Variants in OPA1 observed in about 807,000 individuals in gnomAD.
The protein encoded by OPA1 is OPA1 mitochondrial dynamin like GTPase.
Under a neutral mutation model 152.9 loss-of-function variants are expected in OPA1, and 59 were observed. The observed-to-expected ratio is 0.39, with a 90% CI of 0.31 to 0.48. The LOEUF is 0.48. OPA1 is among the 20% of genes least tolerant of loss of function. The probability of loss-of-function intolerance (pLI) is 0.96; values close to 1 mark genes in which losing one functional copy is unlikely to be tolerated. For missense variants in OPA1, 1,008 were observed against 1,216.8 expected (o/e 0.83, Z 2.55); for synonymous variants, 400 against 389.9 (o/e 1.03, Z -0.31).
intron 9 of OPA1, among the ~76,000 whole-genome samples, chr3:193,636,619 A>G (rs934938467): frequency 4.6e-5 from 7 of 151,860 alleles, no homozygotes; most frequent in African/African-American, 1.7e-4. Flanking sequence ...CACCACATTC[A>G]TTTCTGATTC....
chr3:193,611,596 CAAAAAA>C (rs35159597), intron 1 of OPA1, among the ~76,000 whole-genome samples: 4 of 68,794 alleles, frequency 5.8e-5, no homozygotes, highest in Admixed American at 3.6e-4. Context: ...GACTCCACCT[CAAAAAA>C]AAAAAAAAAA....
At chr3:193,659,935 A>C (rs111416029) in intron 25 of OPA1, among the ~76,000 whole-genome samples, 10,763 of 59,788 alleles carry the variant, frequency 0.18, 661 homozygotes, top group African/African-American at 0.33. Flanking sequence ...CGCTTGAGTT[A>C]AGGAGTTCGA....
At position 193,696,798 on chromosome 3, in the gene OPA1, CTG is replaced by C. The variant is rs1040877873; in HGVS notation, c.*2200_*2201del. ...AAGCTCTGTATGGAAGACTGAACAA[CTG>C]TAAATAGATGATATCCAAACTTAAT... On this transcript the variant is annotated 3_prime_UTR_variant, in exon 31 of 31. Transcript: ENST00000361510. 1.8e-4 allele frequency: 28 copies of C among 152,296 alleles called. No individual in the cohort carries two copies. Among genetic ancestry groups the C allele is most frequent in the African/African-American group, 6.7e-4 (28 of 41,572 alleles). 9.4% of individuals were successfully genotyped at this position (152,296 alleles called of 1,614,324 possible). A position where few individuals can be genotyped will look rare whatever the true frequency, so the allele number is the denominator to read the frequency against.
intron 3 of OPA1, among the ~76,000 whole-genome samples, chr3:193,616,639 G>T (rs1189094078): frequency 6.6e-6 from 1 of 152,030 alleles, no homozygotes; most frequent in Non-Finnish European, 1.5e-5. Flanking sequence ...TTCTTAGTTG[G>T]CCACTGCCCT....
chr3:193,632,764 G>C (rs1372657175), intron 8 of OPA1, among the ~76,000 whole-genome samples: 2 of 151,984 alleles, frequency 1.3e-5, no homozygotes, highest in African/African-American at 2.4e-5. Flanking sequence ...CCAGCAACTG[G>C]GAGGCTAAGG....
chr3:193,677,523 T>C (rs981461369), intron 29 of OPA1, among the ~76,000 whole-genome samples: 9 of 152,144 alleles, frequency 5.9e-5, no homozygotes, highest in Non-Finnish European at 1.0e-4. Context: ...AAACAATTCA[T>C]TGGACTCTGC....
intron 29 of OPA1, among the ~76,000 whole-genome samples, chr3:193,681,597 A>G (rs1720143658): frequency 6.6e-6 from 1 of 152,246 alleles, no homozygotes; most frequent in South Asian, 2.1e-4. Context: ...TGCATTTTTA[A>G]CAATAGAAGT....
chr3:193,639,361 A>G (rs542714905), intron 11 of OPA1, among the ~76,000 whole-genome samples: 13 of 152,376 alleles, frequency 8.5e-5, no homozygotes, highest in Admixed American at 5.9e-4. Context: ...AAGCAGAACC[A>G]GGCAAGGAGA....
At chr3:193,624,999 C>T (rs535820235) in intron 6 of OPA1, among the ~76,000 whole-genome samples, 27 of 152,048 alleles carry the variant, frequency 1.8e-4, no homozygotes, top group African/African-American at 5.1e-4. Context: ...TTTCCCAGAA[C>T]GCTGTTCTTA....
intron 1 of OPA1, chr3:193,614,074 T>C (rs1728663816): frequency 8.4e-6 from 4 of 477,894 alleles, no homozygotes; most frequent in South Asian, 6.3e-5. Context: ...GGTGGAGCTC[T>C]ACAGTCAATG....
chr3:193,605,545 A>G (rs1727123121), intron 1 of OPA1, among the ~76,000 whole-genome samples: 1 of 152,188 alleles, frequency 6.6e-6, no homozygotes, highest in Non-Finnish European at 1.5e-5. Flanking sequence ...TCAGTTGGGA[A>G]GAGGCCCATA....
Position 193,637,182 on chromosome 3 carries a change from A to G in OPA1, c.949-13A>G. The G allele has an allele frequency of 1.3e-6, 2 of 1,502,408 alleles. No homozygotes were observed. Among genetic ancestry groups the G allele is most frequent in the Non-Finnish European group, 1.8e-6 (2 of 1,090,420 alleles). 93.1% of individuals were successfully genotyped at this position (1,502,408 alleles called of 1,614,324 possible). ...TTACTGTTTTATATTATAACTTTTT[A>G]AAATTTTTACAGAAATCTTTGATTG... On this transcript the variant is annotated splice_polypyrimidine_tract_variant and intron_variant, in intron 9 of 30. Coordinates refer to ENST00000361510, the MANE Select transcript of OPA1 (RefSeq NM_130837.3).
chr3:193,666,990 T>C (rs1156837687), intron 28 of OPA1, among the ~76,000 whole-genome samples, 180 bp from the exon 29 acceptor site: 1 of 152,186 alleles, frequency 6.6e-6, no homozygotes, highest in Non-Finnish European at 1.5e-5. Flanking sequence ...TCTCTGAGAC[T>C]ATATAGGTTT....
At chr3:193,602,370 G>A (rs1726597936) in intron 1 of OPA1, among the ~76,000 whole-genome samples, 1 of 152,192 alleles carries the variant, frequency 6.6e-6, no homozygotes, top group African/African-American at 2.4e-5. Context: ...GGAAGGCCCA[G>A]TCTCCAAATT....
chr3:193,684,218 G>T (rs984934348), intron 29 of OPA1, among the ~76,000 whole-genome samples: 2 of 152,126 alleles, frequency 1.3e-5, no homozygotes, highest in African/African-American at 4.8e-5. Flanking sequence ...GCTAACATGC[G>T]TAGTTCTAGG....
At chr3:193,615,108 A>T in intron 2 of OPA1, 67 bp downstream of exon 2, 1 of 1,257,916 alleles carries the variant, frequency 7.9e-7, no homozygotes, top group Non-Finnish European at 1.2e-6. Flanking sequence ...AGCATAAATC[A>T]TTTTTGTGTA....
chr3:193,625,106 T>G (rs746863677), intron 6 of OPA1, among the ~76,000 whole-genome samples: 8 of 152,142 alleles, frequency 5.3e-5, no homozygotes, highest in South Asian at 2.1e-4. Flanking sequence ...TTGGTGGTCT[T>G]TCTTCCACGT....
chr3:193,597,645 C>G (rs1425118313), intron 1 of OPA1, among the ~76,000 whole-genome samples: 1 of 143,118 alleles, frequency 7.0e-6, no homozygotes, highest in Non-Finnish European at 1.5e-5. Flanking sequence ...GAGCAGAGAT[C>G]GAGCCACTGC....
rs1714723143 is a variant in OPA1, at chr3:193,659,537, C to T, written c.2496C>T (p.Tyr832=). Residue 832 remains tyrosine (Y), a synonymous_variant, in exon 25 of 31, where the codon TAC becomes TAT. Transcript: ENST00000361510. The part of the protein sequence containing the change: ...VGPDWKKRWL[Y]WKNRTQEQCV... The stretch of plus-strand genomic sequence containing the variant: ...CAGACTGGAAAAAGAGGTGGTTATA[C>T]TGGAAGAATCGGACCCAAGAACAGG... 3 of 1,611,832 alleles carry T rather than the reference C, an allele frequency of 1.9e-6. No individual in the cohort carries two copies. The highest frequency in any genetic ancestry group is 1.3e-5 in the African/African-American group (1 of 74,780).
Sources: allele counts gnomAD v4.1 joint callset (sites outside exome capture counted in the v4.1 genomes callset), GRCh38; gene constraint gnomAD v4.1.1; transcripts MANE v1.5; gene names NCBI Gene and HGNC (gene_info 2026-07-23, HGNC 2026-07-21).